The following TESC variants were observed in gnomAD, a reference collection of about 807,000 sequenced individuals.
TESC encodes the protein tescalcin, also known as calcineurin B homologous protein 3.
Under a neutral mutation model 31.0 loss-of-function variants are expected in TESC, and 19 were observed. That is an observed-to-expected ratio of 0.61 (90% CI 0.43 to 0.90). The LOEUF is 0.90. Among genes scored for constraint, TESC ranks in the 40% least tolerant of loss-of-function variants. The pLI, the probability that TESC is intolerant of heterozygous loss-of-function variation, is 0.00. For synonymous variants in TESC, 109 were observed against 114.8 expected (o/e 0.95, Z 0.32); for missense variants, 248 against 303.8 (o/e 0.82, Z 1.36).
intron 1 of TESC, among the ~76,000 whole-genome samples, chr12:117,075,939 A>C (rs1295564142): frequency 9.6e-6 from 1 of 104,016 alleles, no homozygotes; most frequent in Non-Finnish European, 1.8e-5. Context: ...ATATATATAT[A>C]TGTATATATA....
intron 2 of TESC, among the ~76,000 whole-genome samples, chr12:117,061,253 T>G (rs1307792269): frequency 6.6e-6 from 1 of 152,206 alleles, no homozygotes; most frequent in Non-Finnish European, 1.5e-5. Flanking sequence ...CTTGCACTGC[T>G]GGGCTTGGCA....
chr12:117,088,996 G>A (rs188960688), intron 1 of TESC, among the ~76,000 whole-genome samples: 50 of 152,328 alleles, frequency 3.3e-4, no homozygotes, highest in Middle Eastern at 6.8e-3. Flanking sequence ...CCTTGGGTCT[G>A]CATGAACTGG....
chr12:117,085,112 G>A (rs73405293), intron 1 of TESC, among the ~76,000 whole-genome samples: 25,746 of 152,222 alleles, frequency 0.17, 2,350 homozygotes, highest in African/African-American at 0.23. Flanking sequence ...AGGAGGTGAT[G>A]CCCAATGGGG....
At chr12:117,040,406 G>GGT (rs1247866317) in intron 7 of TESC, among the ~76,000 whole-genome samples, 1 of 152,210 alleles carries the variant, frequency 6.6e-6, no homozygotes, top group Non-Finnish European at 1.5e-5. Flanking sequence ...ATCCCTCAGG[G>GGT]GTACAGGGAC....
At chr12:117,046,900 A>C (rs1954575435) in intron 4 of TESC, 62 bp from the exon 5 acceptor site, 2 of 1,507,764 alleles carry the variant, frequency 1.3e-6, no homozygotes, top group South Asian at 2.4e-5. Context: ...CCACCCCCTG[A>C]AATGTACACT....
intron 1 of TESC, among the ~76,000 whole-genome samples, chr12:117,086,633 T>C (rs1955223410): frequency 6.6e-6 from 1 of 151,840 alleles, no homozygotes; most frequent in Admixed American, 6.6e-5. Flanking sequence ...AGACAGGGTC[T>C]TGCTATGTTG....
chr12:117,061,637 G>T (rs1477109687), intron 2 of TESC, among the ~76,000 whole-genome samples: 1 of 151,918 alleles, frequency 6.6e-6, no homozygotes, highest in Non-Finnish European at 1.5e-5. Flanking sequence ...TGGCTCTGAA[G>T]CCCGCTGCCT....
chr12:117,075,887 A>ATATATATATATATATATGTGTGTG, intron 1 of TESC, among the ~76,000 whole-genome samples: 1 of 62,426 alleles, frequency 1.6e-5, no homozygotes, highest in South Asian at 4.5e-4. Flanking sequence ...ATATATATAT[A>ATATATATATATATATATGTGTGTG]TATATATATA....
chr12:117,052,381 T>C (rs992510123), intron 3 of TESC, among the ~76,000 whole-genome samples: 4 of 152,244 alleles, frequency 2.6e-5, no homozygotes, highest in African/African-American at 9.6e-5. Context: ...CTCCAGCTTC[T>C]TCTCAGCATT....
chr12:117,075,895 A>ATATATGTGTG (rs1955057795), intron 1 of TESC, among the ~76,000 whole-genome samples: 3 of 83,054 alleles, frequency 3.6e-5, no homozygotes, highest in African/African-American at 2.1e-4. Flanking sequence ...ATATATATAT[A>ATATATGTGTG]TATATATATA....
At chr12:117,041,833 A>G in intron 7 of TESC, 114 bp downstream of exon 7, 1 of 1,080,698 alleles carries the variant, frequency 9.3e-7, no homozygotes, top group Non-Finnish European at 1.3e-6. Context: ...GATGTTGGTC[A>G]CCCAGGAAGC....
At chr12:117,089,045 G>T (rs1955263308) in intron 1 of TESC, among the ~76,000 whole-genome samples, 1 of 152,210 alleles carries the variant, frequency 6.6e-6, no homozygotes, top group African/African-American at 2.4e-5. Context: ...ACAAAAGGCT[G>T]CCTCTGCACA....
Position 117,042,411 on chromosome 12 carries a change from G to A in TESC, c.520-417C>T, listed in dbSNP as rs776550870. Among the ~76,000 whole-genome samples, 7 of 152,098 alleles carry A rather than the reference G, an allele frequency of 4.6e-5. No individual in the cohort carries two copies. The East Asian group carries it at 5.8e-4, about 13-fold the overall frequency. On this transcript the variant is annotated intron_variant, in intron 6 of 7. Transcript: ENST00000335209. ...GACCACCAAGATGCCTCCTGTACCC[G>A]CCTAGGTCTGGCCTCCTCATGCCTG...
At chr12:117,090,820 T>G (rs1955296113) in intron 1 of TESC, among the ~76,000 whole-genome samples, 1 of 152,122 alleles carries the variant, frequency 6.6e-6, no homozygotes, top group African/African-American at 2.4e-5. Context: ...TCTCTGATCA[T>G]TGGGATTCTG....
intron 2 of TESC, among the ~76,000 whole-genome samples, chr12:117,063,339 C>T (rs1290638907): frequency 6.6e-6 from 1 of 152,172 alleles, no homozygotes; most frequent in Non-Finnish European, 1.5e-5. Context: ...TGCTCTCACC[C>T]AGCCCCCAGC....
At chr12:117,075,923 G>GTATA (rs1214809145) in intron 1 of TESC, among the ~76,000 whole-genome samples, 2,089 of 68,620 alleles carry the variant, frequency 0.03, 145 homozygotes, top group African/African-American at 0.072. Flanking sequence ...ATGTGTGTGT[G>GTATA]TATATATATA....
intron 3 of TESC, among the ~76,000 whole-genome samples, chr12:117,054,442 G>A (rs80121264): frequency 0.03 from 4,560 of 152,050 alleles, 195 homozygotes; most frequent in East Asian, 0.19. Context: ...CCTCTCTCTG[G>A]TCCAGCTGGG....
intron 1 of TESC, among the ~76,000 whole-genome samples, chr12:117,085,516 C>A (rs1955209498): frequency 6.6e-6 from 1 of 152,176 alleles, no homozygotes; most frequent in African/African-American, 2.4e-5. Flanking sequence ...CCAAGCCACC[C>A]TGCCTCCCAC....
intron 3 of TESC, among the ~76,000 whole-genome samples, chr12:117,056,342 C>A (rs1445715804): frequency 1.4e-5 from 2 of 139,576 alleles, no homozygotes; most frequent in Non-Finnish European, 3.0e-5. Context: ...CAGGCGTGAG[C>A]CACTGTGCCC....
Sources: allele counts gnomAD v4.1 joint callset (sites outside exome capture counted in the v4.1 genomes callset), GRCh38; gene constraint gnomAD v4.1.1; transcripts MANE v1.5; gene names NCBI Gene and HGNC (gene_info 2026-07-23, HGNC 2026-07-21).